ATP2C2: variants seen among roughly 807,000 people sequenced by gnomAD.
The protein encoded by ATP2C2 is calcium-transporting ATPase type 2C member 2.
In ATP2C2, 171 loss-of-function variants were observed where a neutral mutation model predicts 110.8. The observed-to-expected ratio is 1.54, with a 90% CI of 1.36 to 1.75. The LOEUF (loss-of-function observed/expected upper bound fraction) is 1.75. ATP2C2 is among the 40% of genes most tolerant of loss of function. The pLI, the probability that ATP2C2 is intolerant of heterozygous loss-of-function variation, is 0.00. For missense variants in ATP2C2, 1,963 were observed against 1,235.0 expected (o/e 1.59, Z -8.84); for synonymous variants, 804 against 508.4 (o/e 1.58, Z -7.82).
intron 1 of ATP2C2, 122 bp from the exon 2 acceptor site, chr16:84,398,377 G>C: frequency 2.1e-6 from 1 of 480,330 alleles, no homozygotes; most frequent in Non-Finnish European, 3.3e-6. Context: ...CTGCACTCCA[G>C]CCTGGGTGAC....
chr16:84,415,937 G>C (rs1906795599), intron 7 of ATP2C2, among the ~76,000 whole-genome samples: 1 of 151,360 alleles, frequency 6.6e-6, no homozygotes, highest in Non-Finnish European at 1.5e-5. Flanking sequence ...AGAAAGAAGT[G>C]ATATTAGAGG....
At chr16:84,439,791 C>T (rs1224182157) in intron 13 of ATP2C2, among the ~76,000 whole-genome samples, 3 of 152,160 alleles carry the variant, frequency 2.0e-5, no homozygotes, top group Non-Finnish European at 4.4e-5. Context: ...AAAAAATCTT[C>T]CATACCTTCC....
At position 84,408,394 on chromosome 16, in the gene ATP2C2, T is replaced by G. The variant is rs984510557; in HGVS notation, c.328-11T>G. 1 of 1,612,930 alleles carries G rather than the reference T, an allele frequency of 6.2e-7. No individual in the cohort carries two copies. Among genetic ancestry groups the G allele is most frequent in the Admixed American group, 1.7e-5 (1 of 59,990 alleles). ...TAAAGAACGTGCCCCACCCTGTTATTTCCTCTTCAGTTTAAGAACCCCCTG... is the reference window on the plus strand; with the variant it reads ...TAAAGAACGTGCCCCACCCTGTTATGTCCTCTTCAGTTTAAGAACCCCCTG... On this transcript the variant is annotated splice_polypyrimidine_tract_variant and intron_variant, in intron 3 of 26. Coordinates refer to ENST00000262429, the MANE Select transcript of ATP2C2 (RefSeq NM_014861.4).
chr16:84,462,262 T>G lies in ATP2C2; in HGVS notation c.2722+133T>G, dbSNP rs1911454218. Reference sequence around the variant, plus strand: ...AGCTCACCAGGGGCCGGCTCTGTCTTCAGGGCCCTTCTGTCCTCACAGGAA... The same window carrying G: ...AGCTCACCAGGGGCCGGCTCTGTCTGCAGGGCCCTTCTGTCCTCACAGGAA... On this transcript the variant is annotated intron_variant, in intron 26 of 26. Coordinates refer to ENST00000262429, the MANE Select transcript of ATP2C2 (RefSeq NM_014861.4). 2.8e-5 allele frequency: 33 copies of G among 1,190,752 alleles called. No individual in the cohort carries two copies. In the South Asian group the frequency reaches 4.7e-4, roughly 17 times the overall value. 73.8% of individuals were successfully genotyped at this position (1,190,752 alleles called of 1,614,324 possible).
chr16:84,450,422 C>G (rs940318775), intron 17 of ATP2C2, among the ~76,000 whole-genome samples: 1 of 152,036 alleles, frequency 6.6e-6, no homozygotes, highest in Admixed American at 6.6e-5. Context: ...CCACATGCAT[C>G]CAGGGGAAGA....
chr16:84,440,543 C>G (rs1339879035), intron 13 of ATP2C2, among the ~76,000 whole-genome samples: 3 of 152,200 alleles, frequency 2.0e-5, no homozygotes, highest in African/African-American at 7.2e-5. Flanking sequence ...AAGGCTAACA[C>G]GTTTACCCAG....
At chr16:84,439,336 G>C (rs1909028987) in intron 12 of ATP2C2, 46 bp downstream of exon 12, 9 of 1,613,502 alleles carry the variant, frequency 5.6e-6, no homozygotes, top group Non-Finnish European at 6.8e-6. Flanking sequence ...GAATTGAATG[G>C]GGGCTTGGCT....
intron 1 of ATP2C2, among the ~76,000 whole-genome samples, chr16:84,379,969 TGGA>T (rs1196784019): frequency 6.6e-6 from 1 of 152,180 alleles, no homozygotes; most frequent in African/African-American, 2.4e-5. Context: ...GAAGACTTCC[TGGA>T]GGAGGTGGCA....
chr16:84,437,147 G>T (rs986339372), intron 11 of ATP2C2, among the ~76,000 whole-genome samples: 1 of 152,104 alleles, frequency 6.6e-6, no homozygotes, highest in African/African-American at 2.4e-5. Context: ...GGTTTTTAGT[G>T]TATTCAGAGA....
At chr16:84,399,982 C>A (rs1198238961) in intron 2 of ATP2C2, among the ~76,000 whole-genome samples, 1 of 152,022 alleles carries the variant, frequency 6.6e-6, no homozygotes, top group Non-Finnish European at 1.5e-5. Flanking sequence ...TTTTTAGCTT[C>A]CACTAATCAG....
intron 25 of ATP2C2, 86 bp from the exon 26 acceptor site, chr16:84,461,902 T>C: frequency 6.2e-7 from 1 of 1,606,992 alleles, no homozygotes; most frequent in Non-Finnish European, 8.5e-7. Context: ...TGAGCGGCTC[T>C]GGCTCAGCGT....
chr16:84,372,207 T>C (rs995626685), intron 1 of ATP2C2, among the ~76,000 whole-genome samples: 6 of 152,132 alleles, frequency 3.9e-5, no homozygotes. Flanking sequence ...TAGTCACTCA[T>C]TTATTCCCAG....
At chr16:84,384,499 G>A (rs1168679710) in intron 1 of ATP2C2, among the ~76,000 whole-genome samples, 1 of 152,244 alleles carries the variant, frequency 6.6e-6, no homozygotes, top group Non-Finnish European at 1.5e-5. Flanking sequence ...ACTGGTGGGA[G>A]TAACTTTTGC....
intron 21 of ATP2C2, among the ~76,000 whole-genome samples, chr16:84,458,674 C>G (rs149197175): frequency 4.5e-4 from 68 of 152,356 alleles, no homozygotes; most frequent in African/African-American, 1.5e-3. Context: ...AAGACAGAAG[C>G]AGGCGATGTC....
intron 11 of ATP2C2, among the ~76,000 whole-genome samples, chr16:84,437,061 C>A (rs1021384539): frequency 6.6e-6 from 1 of 152,154 alleles, no homozygotes; most frequent in Admixed American, 6.5e-5. Flanking sequence ...CACACCCGGC[C>A]TTTTTCTTTC....
intron 20 of ATP2C2, among the ~76,000 whole-genome samples, chr16:84,454,027 G>C (rs1012609163): frequency 1.3e-5 from 2 of 152,172 alleles, no homozygotes; most frequent in African/African-American, 4.8e-5. Context: ...TTTTAGTAGA[G>C]GCAGGGTTTC....
chr16:84,393,102 A>C (rs891397964), intron 1 of ATP2C2, among the ~76,000 whole-genome samples: 62 of 152,288 alleles, frequency 4.1e-4, no homozygotes, highest in African/African-American at 1.4e-3. Flanking sequence ...CTTGGAGAGA[A>C]GAAGTGAGTG....
chr16:84,410,832 A>T, intron 6 of ATP2C2, 67 bp downstream of exon 6: 1 of 1,487,436 alleles, frequency 6.7e-7, no homozygotes, highest in Non-Finnish European at 9.4e-7. Flanking sequence ...GAGTTTGGCA[A>T]ATGTTTGCTG....
At chr16:84,374,716 T>C (rs181169456) in intron 1 of ATP2C2, among the ~76,000 whole-genome samples, 71 of 152,266 alleles carry the variant, frequency 4.7e-4, no homozygotes, top group Admixed American at 7.2e-4. Flanking sequence ...AAATTGTTTG[T>C]AGATTTGGTA....
Sources: allele counts gnomAD v4.1 joint callset (sites outside exome capture counted in the v4.1 genomes callset), GRCh38; gene constraint gnomAD v4.1.1; transcripts MANE v1.5; gene names NCBI Gene and HGNC (gene_info 2026-07-23, HGNC 2026-07-21).